SAXO1: variants seen among roughly 807,000 people sequenced by gnomAD.
SAXO1 encodes the protein stabilizer of axonemal microtubules 1.
SAXO1 carries 21 observed loss-of-function variants against 17.5 expected under a neutral mutation model. That is an observed-to-expected ratio of 1.20 (90% CI 0.85 to 1.72). SAXO1 has a LOEUF of 1.72. Among genes scored for constraint, SAXO1 ranks in the 40% most tolerant of loss-of-function variants. The probability of loss-of-function intolerance (pLI) is 0.00; values close to 1 mark genes in which losing one functional copy is unlikely to be tolerated. For synonymous variants in SAXO1, 274 were observed against 216.5 expected (o/e 1.27, Z -2.33); for missense variants, 843 against 596.0 (o/e 1.41, Z -4.32).
At position 18,954,303 on chromosome 9, in the gene SAXO1, C is replaced by T. The variant is rs575844451; in HGVS notation, c.39-3366G>A. Among the ~76,000 whole-genome samples, 4 of 151,844 alleles carry T rather than the reference C, an allele frequency of 2.6e-5. No homozygotes were observed. In the South Asian group the frequency reaches 6.2e-4, roughly 24 times the overall value. On this transcript the variant is annotated intron_variant, in intron 1 of 3. Coordinates refer to ENST00000380534, the MANE Select transcript of SAXO1 (RefSeq NM_153707.4). ...CTGTTAATTGTTAATAAATAATTAA[C>T]AAAACTTGGAGCATTGGCTCCAAGC... is the stretch of plus-strand genomic sequence containing the variant.
chr9:19,030,198 C>A (rs891100546), intron 1 of SAXO1, among the ~76,000 whole-genome samples: 1 of 151,980 alleles, frequency 6.6e-6, no homozygotes, highest in African/African-American at 2.4e-5. Flanking sequence ...AGAAAAGGGA[C>A]ATCAGCAGGT....
intron 1 of SAXO1, among the ~76,000 whole-genome samples, chr9:18,966,890 T>A (rs1832741025): frequency 6.6e-6 from 1 of 152,222 alleles, no homozygotes; most frequent in African/African-American, 2.4e-5. Context: ...TTATCTACCT[T>A]TAATCTTTGA....
chr9:19,044,154 T>G (rs796077268), intron 1 of SAXO1, among the ~76,000 whole-genome samples: 1 of 151,404 alleles, frequency 6.6e-6, no homozygotes, highest in African/African-American at 2.4e-5. Flanking sequence ...AAAAAAACAA[T>G]TGGATTGTTT....
chr9:18,939,985 T>C (rs528611646), intron 3 of SAXO1, among the ~76,000 whole-genome samples: 2 of 152,098 alleles, frequency 1.3e-5, no homozygotes, highest in East Asian at 3.9e-4. Flanking sequence ...GGTGTAGACA[T>C]GGGGAAAACA....
chr9:18,990,751 T>C (rs186003169), intron 1 of SAXO1, among the ~76,000 whole-genome samples: 1 of 152,304 alleles, frequency 6.6e-6, no homozygotes, highest in East Asian at 1.9e-4. Flanking sequence ...AGCAGCATCA[T>C]AGGAGTGCAA....
intron 1 of SAXO1, among the ~76,000 whole-genome samples, chr9:18,981,507 A>C (rs973574030): frequency 6.6e-6 from 1 of 152,138 alleles, no homozygotes; most frequent in African/African-American, 2.4e-5. Flanking sequence ...AGCCCCTCAC[A>C]CAGAGCCCAG....
intron 1 of SAXO1, among the ~76,000 whole-genome samples, chr9:19,029,449 C>T (rs1343476303): frequency 6.6e-6 from 1 of 152,158 alleles, no homozygotes; most frequent in Non-Finnish European, 1.5e-5. Context: ...GCTTGTCTTC[C>T]AGATTTCCCA....
chr9:19,013,540 A>ACTTT (rs1834842931), intron 1 of SAXO1, among the ~76,000 whole-genome samples: 1 of 93,204 alleles, frequency 1.1e-5, no homozygotes, highest in Admixed American at 1.6e-4. Context: ...AAAAGTACGG[A>ACTTT]TTTTTTTTTT....
intron 1 of SAXO1, among the ~76,000 whole-genome samples, chr9:18,951,600 T>C (rs7025581): frequency 0.81 from 122,586 of 152,088 alleles, 49,904 homozygotes; most frequent in African/African-American, 0.93. Context: ...AGGATCCACC[T>C]CGCCGTCGTA....
At chr9:18,999,529 C>T (rs1264040795) in intron 1 of SAXO1, among the ~76,000 whole-genome samples, 6 of 146,852 alleles carry the variant, frequency 4.1e-5, no homozygotes, top group Admixed American at 1.3e-4. Flanking sequence ...TCTGCCCGGC[C>T]GCCACACCGT....
intron 1 of SAXO1, among the ~76,000 whole-genome samples, chr9:18,951,236 A>G (rs538001959): frequency 2.6e-5 from 4 of 152,164 alleles, no homozygotes; most frequent in African/African-American, 9.6e-5. Context: ...TAATAGAGAA[A>G]TGGCTGTGTC....
intron 1 of SAXO1, among the ~76,000 whole-genome samples, chr9:19,023,374 G>T (rs1292314382): frequency 2.0e-5 from 3 of 152,122 alleles, no homozygotes; most frequent in African/African-American, 7.2e-5. Flanking sequence ...TACTGTGGAT[G>T]CACGCATTGT....
At chr9:18,953,106 A>G (rs1319168548) in intron 1 of SAXO1, among the ~76,000 whole-genome samples, 3 of 152,218 alleles carry the variant, frequency 2.0e-5, no homozygotes, top group African/African-American at 7.2e-5. Flanking sequence ...CAAACCTCAG[A>G]TCGAAAGCCA....
At chr9:18,977,045 G>A (rs928618669) in intron 1 of SAXO1, among the ~76,000 whole-genome samples, 7 of 152,140 alleles carry the variant, frequency 4.6e-5, no homozygotes, top group Non-Finnish European at 8.8e-5. Flanking sequence ...GTCACTGAAA[G>A]AGATTTATTC....
At chr9:18,952,068 T>C (rs1588430699) in intron 1 of SAXO1, among the ~76,000 whole-genome samples, 1 of 152,240 alleles carries the variant, frequency 6.6e-6, no homozygotes, top group Non-Finnish European at 1.5e-5. Context: ...TGAAACTTAC[T>C]TATTTACTTA....
intron 1 of SAXO1, among the ~76,000 whole-genome samples, chr9:19,009,005 T>C (rs1261009677): frequency 3.3e-5 from 5 of 152,216 alleles, no homozygotes; most frequent in African/African-American, 1.2e-4. Context: ...AATTCATTCA[T>C]ATATGCAGCA....
At chr9:18,994,226 G>C (rs1246539823) in intron 1 of SAXO1, among the ~76,000 whole-genome samples, 21 of 152,140 alleles carry the variant, frequency 1.4e-4, no homozygotes, top group Admixed American at 1.2e-3. Context: ...GCCTATGTGG[G>C]TGTGTTTGTG....
chr9:19,033,736 G>T (rs1383538110), upstream of SAXO1, among the ~76,000 whole-genome samples: 1 of 152,166 alleles, frequency 6.6e-6, no homozygotes, highest in Non-Finnish European at 1.5e-5. Context: ...CTTGAAGCAG[G>T]CGTTCTCAAA....
intron 3 of SAXO1, among the ~76,000 whole-genome samples, chr9:18,933,084 G>T (rs1325542007): frequency 6.6e-6 from 1 of 152,198 alleles, no homozygotes; most frequent in Non-Finnish European, 1.5e-5. Flanking sequence ...AGTGGTGAAA[G>T]CTGACATCCT....
Sources: allele counts gnomAD v4.1 joint callset (sites outside exome capture counted in the v4.1 genomes callset), GRCh38; gene constraint gnomAD v4.1.1; transcripts MANE v1.5; gene names NCBI Gene and HGNC (gene_info 2026-07-23, HGNC 2026-07-21).